Variants in GLIS3 observed in about 807,000 individuals in gnomAD.
GLIS3 encodes zinc finger protein GLIS3.
In GLIS3, 53 loss-of-function variants were observed where a neutral mutation model predicts 78.6. That is an observed-to-expected ratio of 0.67 (90% confidence interval 0.54 to 0.85). The LOEUF (loss-of-function observed/expected upper bound fraction) is 0.85. Ranked by LOEUF, GLIS3 falls within the 40% of genes least tolerant of loss-of-function variation. GLIS3 has a pLI of 0.00. For missense variants in GLIS3, 1,703 were observed against 1,231.1 expected (o/e 1.38, Z -5.74); for synonymous variants, 684 against 509.9 (o/e 1.34, Z -4.60).
chr9:4,445,350 G>T, the GLIS3 span, among the ~76,000 whole-genome samples: 4 of 152,224 alleles, frequency 2.6e-5, no homozygotes, highest in African/African-American at 9.7e-5. Context: ...GTCCAGGCCA[G>T]GTGTGGTGGT....
chr9:3,939,688 T>C (rs992368638), intron 4 of GLIS3, among the ~76,000 whole-genome samples: 1 of 152,046 alleles, frequency 6.6e-6, no homozygotes, highest in Non-Finnish European at 1.5e-5. Flanking sequence ...CAGAAGACAA[T>C]AGAACAGCAT....
In GLIS3 at chr9:4,117,934, T is replaced by A; in HGVS notation, c.1544A>T (p.Glu515Val). The A allele has an allele frequency of 6.2e-7, 1 of 1,614,092 alleles. No homozygotes were observed. Among genetic ancestry groups the A allele is most frequent in the Non-Finnish European group, 8.5e-7 (1 of 1,180,036 alleles). ...CTTCTCGATGTGCCGCACGAGCTCC[T>A]CCTGCTGGTCGTACAGGGCGCTGCA... ...IDCSALYDQQ[E>V]ELVRHIEKVH... Residue 515 changes from glutamate (E) to valine (V), a missense_variant, in exon 4 of 11, where the codon GAG becomes GTG. Glu to Val is a moderately radical substitution (Grantham distance 121). Coordinates refer to ENST00000381971, the MANE Select transcript of GLIS3 (RefSeq NM_001042413.2).
the GLIS3 span, chr9:4,386,275 C>A: frequency 1.3e-5 from 2 of 152,234 alleles, no homozygotes; most frequent in South Asian, 2.1e-4. Context: ...TGTGTCTATA[C>A]ATGTGTATTA....
intron 4 of GLIS3, among the ~76,000 whole-genome samples, chr9:4,011,833 T>G (rs934267543): frequency 1.1e-4 from 17 of 152,196 alleles, no homozygotes; most frequent in Non-Finnish European, 1.9e-4. Flanking sequence ...ATATCTGCTC[T>G]TAACATTTTT....
the GLIS3 span, among the ~76,000 whole-genome samples, chr9:4,383,784 G>A: frequency 6.6e-6 from 1 of 152,206 alleles, no homozygotes; most frequent in Non-Finnish European, 1.5e-5. Flanking sequence ...GCCTCTTTGT[G>A]TTGATTGACC....
chr9:3,879,665 C>T, intron 7 of GLIS3, 70 bp from the exon 8 acceptor site: 1 of 1,534,218 alleles, frequency 6.5e-7, no homozygotes, highest in Non-Finnish European at 8.9e-7. Flanking sequence ...ATACCGAAGC[C>T]TGACAGCAAG....
intron 2 of GLIS3, among the ~76,000 whole-genome samples, chr9:4,244,191 C>G (rs577708294): frequency 1.3e-5 from 2 of 152,344 alleles, no homozygotes; most frequent in African/African-American, 4.8e-5. Flanking sequence ...GATTAAATTG[C>G]AGCTAAATCT....
At chr9:4,072,521 G>A (rs1035192542) in intron 4 of GLIS3, among the ~76,000 whole-genome samples, 1 of 152,056 alleles carries the variant, frequency 6.6e-6, no homozygotes, top group African/African-American at 2.4e-5. Context: ...TGAGGTGGGT[G>A]TTTCTTTAAA....
intron 7 of GLIS3, among the ~76,000 whole-genome samples, chr9:3,893,009 G>A (rs1040326248): frequency 2.6e-5 from 4 of 152,074 alleles, no homozygotes; most frequent in African/African-American, 9.7e-5. Flanking sequence ...ATATAGATAA[G>A]CTTGTGTCAT....
At chr9:3,913,707 G>C (rs1824299204) in intron 6 of GLIS3, among the ~76,000 whole-genome samples, 2 of 152,100 alleles carry the variant, frequency 1.3e-5, no homozygotes, top group African/African-American at 4.8e-5. Flanking sequence ...ATATTGAAAA[G>C]CAATTTCTCT....
chr9:4,053,570 A>G (rs939258032), intron 4 of GLIS3, among the ~76,000 whole-genome samples: 7 of 151,948 alleles, frequency 4.6e-5, no homozygotes, highest in African/African-American at 1.5e-4. Flanking sequence ...TCCTAAGCCT[A>G]AAACAGTCCC....
the GLIS3 span, among the ~76,000 whole-genome samples, chr9:4,485,200 A>T: frequency 6.6e-6 from 1 of 151,808 alleles, no homozygotes; most frequent in South Asian, 2.1e-4. Context: ...TTTTTAGTAG[A>T]GACAGGGTTT....
intron 2 of GLIS3, among the ~76,000 whole-genome samples, chr9:4,173,745 T>G (rs1290924592): frequency 6.6e-6 from 1 of 152,124 alleles, no homozygotes; most frequent in Non-Finnish European, 1.5e-5. Flanking sequence ...TACAGGCATG[T>G]GCCACCATGC....
intron 3 of GLIS3, among the ~76,000 whole-genome samples, chr9:4,120,462 A>G (rs1230371940): frequency 6.6e-6 from 1 of 152,196 alleles, no homozygotes; most frequent in Non-Finnish European, 1.5e-5. Flanking sequence ...TGGTTCTGGA[A>G]CCATCTAGTT....
chr9:4,448,148 G>C, the GLIS3 span, among the ~76,000 whole-genome samples: 1 of 152,096 alleles, frequency 6.6e-6, no homozygotes, highest in Non-Finnish European at 1.5e-5. Context: ...CTCATTTCCT[G>C]TCCCAACTAA....
At chr9:4,011,879 C>G (rs1023551870) in intron 4 of GLIS3, among the ~76,000 whole-genome samples, 2 of 152,024 alleles carry the variant, frequency 1.3e-5, no homozygotes, top group African/African-American at 4.8e-5. Flanking sequence ...AGAGATTGGT[C>G]TCTCTTTCCA....
intron 4 of GLIS3, among the ~76,000 whole-genome samples, chr9:3,982,329 A>G (rs1819368627): frequency 6.6e-6 from 1 of 152,052 alleles, no homozygotes; most frequent in Non-Finnish European, 1.5e-5. Context: ...ATCCAAGGCA[A>G]TCTTGGCAGG....
At chr9:4,405,314 A>G in the GLIS3 span, among the ~76,000 whole-genome samples, 1 of 151,792 alleles carries the variant, frequency 6.6e-6, no homozygotes, top group African/African-American at 2.4e-5. Context: ...AGATCGTGCC[A>G]TTGCACTCCA....
intron 4 of GLIS3, among the ~76,000 whole-genome samples, chr9:3,991,575 A>G (rs1310937304): frequency 6.6e-6 from 1 of 151,606 alleles, no homozygotes; most frequent in African/African-American, 2.4e-5. Flanking sequence ...CGATGGAACT[A>G]TTGATACTTT....
Sources: gnomAD v4.1 joint callset for allele counts (sites outside exome capture counted in the v4.1 genomes callset) on GRCh38, gnomAD v4.1.1 for gene constraint, MANE v1.5 for transcripts, NCBI Gene and HGNC (gene_info 2026-07-23, HGNC 2026-07-21) for gene names.